The following SNX13 variants were observed in gnomAD, a reference collection of about 807,000 sequenced individuals.
SNX13 encodes sorting nexin 13, also known as sorting nexin-13.
Under a neutral mutation model 133.6 loss-of-function variants are expected in SNX13, and 45 were observed. The ratio of observed to expected loss-of-function variants is 0.34; its 90% CI spans 0.27 to 0.43. SNX13 has a LOEUF of 0.43. Among genes scored for constraint, SNX13 ranks in the 20% least tolerant of loss-of-function variants. SNX13 has a pLI of 1.00. For synonymous variants in SNX13, 414 were observed against 373.9 expected (o/e 1.11, Z -1.24); for missense variants, 1,032 against 1,145.1 (o/e 0.90, Z 1.43).
chr7:17,940,473 C>A lies in SNX13; in HGVS notation c.-178G>T, dbSNP rs771575078. On this transcript the variant is annotated 5_prime_UTR_variant, in exon 1 of 26. Coordinates refer to ENST00000428135, the MANE Select transcript of SNX13 (RefSeq NM_015132.5). ...CCTCGGCCCGGTCGCTCGCGACGGA[C>A]GCGCCGCCATCTTGGAAGAGCGACG... is the stretch of plus-strand genomic sequence containing the variant. 4 of 739,280 alleles carry A rather than the reference C, an allele frequency of 5.4e-6. No homozygotes were observed. In the East Asian group the frequency reaches 8.0e-5, roughly 15 times the overall value. 45.8% of individuals were successfully genotyped at this position (739,280 alleles called of 1,614,324 possible).
At chr7:17,929,596 T>C (rs1801161058) in intron 1 of SNX13, among the ~76,000 whole-genome samples, 1 of 152,164 alleles carries the variant, frequency 6.6e-6, no homozygotes, top group Non-Finnish European at 1.5e-5. Context: ...CTTATATAAA[T>C]GAGAGCCACT....
At chr7:17,880,758 C>A (rs1283766953) in intron 5 of SNX13, 2 of 152,112 alleles carry the variant, frequency 1.3e-5, no homozygotes, top group Non-Finnish European at 2.9e-5. Context: ...ATTTCAAAAT[C>A]AGCTTAAAAT....
In SNX13 at chr7:17,794,191, C is replaced by T. The variant is rs1307065981; in HGVS notation, c.2728G>A (p.Val910Ile). 6.2e-7 allele frequency: 1 copy of T among 1,611,510 alleles called. No individual in the cohort carries two copies. Among genetic ancestry groups the T allele is most frequent in the African/African-American group, 1.3e-5 (1 of 74,836 alleles). ...GTTTCTAAAAAGCCTTCCAAGAAGACATAAACCATTCTCCTATTTAATTGG... is the reference window on the plus strand; with the variant it reads ...GTTTCTAAAAAGCCTTCCAAGAAGATATAAACCATTCTCCTATTTAATTGG... ...HNQLNRRMVY[V>I]FLEGFLETLF... Residue 910 changes from valine to isoleucine, a missense_variant, in exon 26 of 26, where the codon GTC becomes ATC. Transcript: ENST00000428135.
At chr7:17,937,976 G>T (rs564112402) in intron 1 of SNX13, among the ~76,000 whole-genome samples, 1 of 152,130 alleles carries the variant, frequency 6.6e-6, no homozygotes. Flanking sequence ...CACATTTTGA[G>T]ACCTAACATG....
intron 1 of SNX13, among the ~76,000 whole-genome samples, chr7:17,939,646 G>C (rs1481747331): frequency 2.0e-5 from 3 of 152,170 alleles, no homozygotes; most frequent in South Asian, 2.1e-4. Flanking sequence ...AGTAACAAGG[G>C]GGCCACACGC....
intron 3 of SNX13, among the ~76,000 whole-genome samples, chr7:17,893,116 G>A (rs1280182151): frequency 6.6e-6 from 1 of 152,128 alleles, no homozygotes; most frequent in African/African-American, 2.4e-5. Flanking sequence ...GTTTTCTCAA[G>A]TTTGTATTCC....
At chr7:17,890,284 C>T in intron 5 of SNX13, 79 bp downstream of exon 5, 4 of 1,328,956 alleles carry the variant, frequency 3.0e-6, no homozygotes, top group Non-Finnish European at 4.1e-6. Flanking sequence ...AACAATTCCT[C>T]CCCTTAAAAG....
At chr7:17,813,323 G>A (rs1786273894) in intron 20 of SNX13, among the ~76,000 whole-genome samples, 2 of 152,110 alleles carry the variant, frequency 1.3e-5, no homozygotes, top group African/African-American at 4.8e-5. Context: ...TGCATCTCTA[G>A]TGACAATAAA....
chr7:17,864,464 G>A (rs1328348744), intron 9 of SNX13, among the ~76,000 whole-genome samples: 2 of 151,906 alleles, frequency 1.3e-5, no homozygotes, highest in Non-Finnish European at 2.9e-5. Flanking sequence ...AAAACACATA[G>A]AGAAAAAAAG....
intron 1 of SNX13, among the ~76,000 whole-genome samples, chr7:17,911,730 C>G (rs879851766): frequency 2.6e-4 from 39 of 151,874 alleles, no homozygotes; most frequent in Admixed American, 7.9e-4. Context: ...GCAATGAAGG[C>G]AATGCTACAA....
At chr7:17,845,018 G>C (rs1790322711) in intron 12 of SNX13, among the ~76,000 whole-genome samples, 1 of 152,140 alleles carries the variant, frequency 6.6e-6, no homozygotes, top group Non-Finnish European at 1.5e-5. Context: ...AAAAGATTAA[G>C]ATCAGGAACA....
chr7:17,842,390 A>G (rs1241769275), intron 12 of SNX13, among the ~76,000 whole-genome samples: 2 of 152,110 alleles, frequency 1.3e-5, no homozygotes, highest in Non-Finnish European at 2.9e-5. Flanking sequence ...GAGAGAAGTA[A>G]GGATTCCCAG....
intron 9 of SNX13, among the ~76,000 whole-genome samples, chr7:17,861,616 G>C (rs1792712601): frequency 6.6e-6 from 1 of 152,140 alleles, no homozygotes; most frequent in African/African-American, 2.4e-5. Context: ...TGACCTTCTG[G>C]TGGAATGCCC....
rs570080455 is a variant in SNX13, at chr7:17,833,713, T to C, written c.1597+339A>G. 4.0e-5 allele frequency among the ~76,000 whole-genome samples: 6 copies of C among 151,892 alleles called. No homozygotes were observed. The East Asian group carries it at 9.7e-4, about 24-fold the overall frequency. ...ACTCTGAGTCATTACTTATTGCATA[T>C]TAAATCTTCTCAATAATTCTATTGT... is the stretch of plus-strand genomic sequence containing the variant. On this transcript the variant is annotated intron_variant, in intron 15 of 25. Coordinates refer to ENST00000428135, the MANE Select transcript of SNX13 (RefSeq NM_015132.5).
rs150085773 is a variant in SNX13, at chr7:17,819,509, G to C, written c.1845+2000C>G. On this transcript the variant is annotated intron_variant, in intron 18 of 25. Transcript: ENST00000428135. ...CCCAAAGTGCTGGAATTACAGGCGT[G>C]AGGCACCGCGCTTGGCATTGGAAAA... Among the ~76,000 whole-genome samples, 744 of 152,268 alleles carry C rather than the reference G, an allele frequency of 4.9e-3. 5 individuals carry two copies. The highest frequency in any genetic ancestry group is 0.017 in the African/African-American group (718 of 41,538).
At chr7:17,904,724 T>C (rs974771983) in intron 1 of SNX13, among the ~76,000 whole-genome samples, 1 of 152,178 alleles carries the variant, frequency 6.6e-6, no homozygotes, top group African/African-American at 2.4e-5. Flanking sequence ...AGTGCCAACT[T>C]GAGTCACAGA....
intron 8 of SNX13, 100 bp from the exon 9 acceptor site, chr7:17,868,590 T>G: frequency 1.2e-6 from 1 of 844,246 alleles, no homozygotes; most frequent in Non-Finnish European, 1.8e-6. Flanking sequence ...AAGAAAAGTA[T>G]GATATACATG....
At chr7:17,836,484 C>T (rs373269325) in intron 13 of SNX13, among the ~76,000 whole-genome samples, 8 of 151,986 alleles carry the variant, frequency 5.3e-5, no homozygotes, top group Non-Finnish European at 5.9e-5. Context: ...CCAAACTTTA[C>T]GACAGAGTGA....
rs1562478689 is a variant in SNX13 at position 17,891,235 on chromosome 7, C to T, written c.318+311G>A. 2.6e-5 allele frequency among the ~76,000 whole-genome samples: 4 copies of T among 152,034 alleles called. No individual in the cohort carries two copies. In the South Asian group the frequency reaches 6.2e-4, roughly 24 times the overall value. ...CAAGTAGGAAAAAAAGTCTGATTTA[C>T]CACACCACTAAGCTTGTTCATCAAC... On this transcript the variant is annotated intron_variant, in intron 4 of 25. Coordinates refer to ENST00000428135, the MANE Select transcript of SNX13 (RefSeq NM_015132.5).
Sources: gnomAD v4.1 joint callset for allele counts (sites outside exome capture counted in the v4.1 genomes callset) on GRCh38, gnomAD v4.1.1 for gene constraint, MANE v1.5 for transcripts, NCBI Gene and HGNC (gene_info 2026-07-23, HGNC 2026-07-21) for gene names.